Variants in ZNF487 observed in about 807,000 individuals in gnomAD.
ZNF487 encodes KRAB domain only 1.
In ZNF487, 4 loss-of-function variants were observed where a neutral mutation model predicts 3.0. That is an observed-to-expected ratio of 1.35 (90% CI 0.66 to 3.08). The LOEUF is 3.08. Among genes scored for constraint, ZNF487 ranks in the 30% most tolerant of loss-of-function variants. The pLI, the probability that ZNF487 is intolerant of heterozygous loss-of-function variation, is 0.01. For missense variants in ZNF487, 146 were observed against 98.7 expected (o/e 1.48, Z -2.03); for synonymous variants, 55 against 34.6 (o/e 1.59, Z -2.06).
chr10:43,522,231 G>A, the ZNF487 span, among the ~76,000 whole-genome samples: 6 of 152,144 alleles, frequency 3.9e-5, no homozygotes, highest in African/African-American at 1.2e-4. Context: ...GAAGAGAAAA[G>A]AAGAGCCAGG....
chr10:43,495,748 T>G, the ZNF487 span, among the ~76,000 whole-genome samples: 1 of 152,212 alleles, frequency 6.6e-6, no homozygotes, highest in Non-Finnish European at 1.5e-5. Context: ...AAAGTATTAA[T>G]TTTTATATCC....
At chr10:43,449,041 G>A (rs1052575349) in intron 1 of ZNF487, among the ~76,000 whole-genome samples, 3 of 150,194 alleles carry the variant, frequency 2.0e-5, no homozygotes, top group African/African-American at 7.4e-5. Context: ...GCTCAGGCCT[G>A]TAATCCCAGC....
At chr10:43,498,038 T>A in the ZNF487 span, among the ~76,000 whole-genome samples, 1 of 139,170 alleles carries the variant, frequency 7.2e-6, no homozygotes, top group African/African-American at 2.7e-5. Context: ...ATCTCTTGTG[T>A]CACACAGCAT....
the ZNF487 span, among the ~76,000 whole-genome samples, chr10:43,493,493 A>C: frequency 4.6e-5 from 7 of 151,678 alleles, no homozygotes; most frequent in African/African-American, 1.7e-4. Flanking sequence ...CTAGGAGTTC[A>C]GATCAGCCTG....
At chr10:43,502,097 G>C in the ZNF487 span, among the ~76,000 whole-genome samples, 6 of 152,122 alleles carry the variant, frequency 3.9e-5, no homozygotes, top group South Asian at 2.1e-4. Context: ...TGTTTATTGC[G>C]GCACTATTCA....
At chr10:43,439,198 C>T (rs1332005450) in intron 1 of ZNF487, among the ~76,000 whole-genome samples, 2 of 151,788 alleles carry the variant, frequency 1.3e-5, no homozygotes, top group East Asian at 1.9e-4. Context: ...GCCGAGATCA[C>T]GCCACTGCAC....
At chr10:43,507,601 C>T in the ZNF487 span, among the ~76,000 whole-genome samples, 1 of 152,220 alleles carries the variant, frequency 6.6e-6, no homozygotes, top group Non-Finnish European at 1.5e-5. Context: ...ACTGCTTTCC[C>T]CATGCAAAAC....
chr10:43,451,468 G>A lies in ZNF487; in HGVS notation c.-94+14206G>A, dbSNP rs1197878203. On this transcript the variant is annotated intron_variant, in intron 1 of 3. Coordinates refer to ENST00000437590, the MANE Select transcript of ZNF487 (RefSeq NM_001355444.3). ...CCATGTTGGTCAGGCTGGTCTCGAA[G>A]TCCTGATCTCAGGTGATCCACCCGC... 2.0e-5 allele frequency among the ~76,000 whole-genome samples: 3 copies of A among 146,860 alleles called. No homozygotes were observed. The Admixed American group carries it at 2.1e-4, about 10-fold the overall frequency.
At chr10:43,492,228 G>T in the ZNF487 span, among the ~76,000 whole-genome samples, 1 of 151,740 alleles carries the variant, frequency 6.6e-6, no homozygotes, top group East Asian at 1.9e-4. Context: ...TGCAATACAG[G>T]TCTACTAATG....
chr10:43,508,707 G>A, the ZNF487 span, among the ~76,000 whole-genome samples: 3 of 151,890 alleles, frequency 2.0e-5, no homozygotes, highest in Admixed American at 6.6e-5. Flanking sequence ...CTAGCCAGGT[G>A]TAGTGGTGCA....
chr10:43,465,404 G>A (rs557223879), intron 1 of ZNF487, among the ~76,000 whole-genome samples: 135 of 150,622 alleles, frequency 9.0e-4, no homozygotes, highest in African/African-American at 3.0e-3. Flanking sequence ...GGCGGCTGCC[G>A]GGCGGAGGGG....
chr10:43,464,854 C>T (rs1444614526), intron 1 of ZNF487, among the ~76,000 whole-genome samples: 1 of 152,208 alleles, frequency 6.6e-6, no homozygotes, highest in Non-Finnish European at 1.5e-5. Context: ...CCGCCATCGT[C>T]ATCATGGCCC....
rs935204888 is a variant in ZNF487 at position 43,481,447 on chromosome 10, A to C, written c.149A>C (p.Asp50Ala). 1.4e-6 allele frequency: 1 copy of C among 715,098 alleles called. No individual in the cohort carries two copies. Among genetic ancestry groups the C allele is most frequent in the African/African-American group, 1.8e-5 (1 of 57,120 alleles). 44.3% of individuals were successfully genotyped at this position (715,098 alleles called of 1,614,324 possible). ...TTTCTAGACTGCTGCATAGATGATG[A>C]CCTGATGGAGAAGAGACAGGAAAAT... ...QSHLDCCIDD[D>A]LMEKRQENQD... Residue 50 changes from aspartate to alanine, a missense_variant, in exon 4 of 4, where the codon GAC (aspartate) becomes GCC (alanine). Transcript: ENST00000437590.
chr10:43,479,943 A>G (rs1201130106), intron 3 of ZNF487, among the ~76,000 whole-genome samples: 5 of 147,260 alleles, frequency 3.4e-5, no homozygotes, highest in Non-Finnish European at 7.5e-5. Context: ...GGTGTGAACC[A>G]CTGCACCTGA....
chr10:43,437,760 A>G (rs909502707), intron 1 of ZNF487, among the ~76,000 whole-genome samples: 14 of 151,780 alleles, frequency 9.2e-5, no homozygotes, highest in Non-Finnish European at 1.8e-4. Flanking sequence ...TCCTCCGGAA[A>G]TTTTCTTTTT....
chr10:43,512,812 C>T, the ZNF487 span, among the ~76,000 whole-genome samples: 5 of 152,202 alleles, frequency 3.3e-5, no homozygotes, highest in Admixed American at 6.5e-5. Context: ...TGGAGTAACA[C>T]ACCCAGATGA....
chr10:43,469,087 C>T, intron 1 of ZNF487, among the ~76,000 whole-genome samples: 1 of 151,912 alleles, frequency 6.6e-6, no homozygotes, highest in East Asian at 1.9e-4. Context: ...GCACAGCCAT[C>T]CCAGCCTTCA....
In ZNF487 at chr10:43,459,449, C is replaced by T. The variant is rs139696525; in HGVS notation, c.-93-16272C>T. On this transcript the variant is annotated intron_variant, in intron 1 of 3. Transcript: ENST00000437590. ...TTTGCCATGTTGGCCAGGCTGGTCTCGAACTCCTGACCTCAGGTGATCCAC... is the reference window on the plus strand; with the variant it reads ...TTTGCCATGTTGGCCAGGCTGGTCTTGAACTCCTGACCTCAGGTGATCCAC... Among the ~76,000 whole-genome samples the T allele has an allele frequency of 1.2e-3, 182 of 152,126 alleles. 1 individual carries two copies. In the East Asian group the frequency reaches 0.024, roughly 20 times the overall value.
At chr10:43,502,621 C>T in the ZNF487 span, among the ~76,000 whole-genome samples, 33 of 152,282 alleles carry the variant, frequency 2.2e-4, no homozygotes, top group East Asian at 6.0e-3. Context: ...AAGTATAGCA[C>T]ATACAATGAT....
Sources: gnomAD v4.1 joint callset for allele counts (sites outside exome capture counted in the v4.1 genomes callset) on GRCh38, gnomAD v4.1.1 for gene constraint, MANE v1.5 for transcripts, NCBI Gene and HGNC (gene_info 2026-07-23, HGNC 2026-07-21) for gene names.